SGCD: variants seen among roughly 807,000 people sequenced by gnomAD.
SGCD encodes delta-sarcoglycan.
Under a neutral mutation model 36.6 loss-of-function variants are expected in SGCD, and 18 were observed. The observed-to-expected ratio is 0.49, with a 90% confidence interval of 0.34 to 0.73. The LOEUF (loss-of-function observed/expected upper bound fraction) is 0.73. Ranked by LOEUF, SGCD falls within the 30% of genes least tolerant of loss-of-function variation. The probability of loss-of-function intolerance (pLI) is 0.01; values close to 1 mark genes in which losing one functional copy is unlikely to be tolerated. For synonymous variants in SGCD, 133 were observed against 130.6 expected, an observed-to-expected ratio of 1.02 and a Z score of -0.12; for missense variants, 387 against 346.7, an observed-to-expected ratio of 1.12 and a Z score of -0.92.
intron 3 of SGCD, among the ~76,000 whole-genome samples, chr5:156,363,060 G>A (rs917211048): frequency 6.6e-6 from 1 of 151,710 alleles, no homozygotes; most frequent in Non-Finnish European, 1.5e-5. Flanking sequence ...TGGGTGAGTA[G>A]GGTTTTCTGA....
upstream of SGCD, among the ~76,000 whole-genome samples, chr5:156,324,340 T>G (rs1767748786): frequency 6.6e-6 from 1 of 152,176 alleles, no homozygotes; most frequent in African/African-American, 2.4e-5. Flanking sequence ...GTACCTGTAA[T>G]AAATCTGGAA....
At chr5:156,680,618 C>T (rs552161952) in intron 7 of SGCD, among the ~76,000 whole-genome samples, 45 of 152,234 alleles carry the variant, frequency 3.0e-4, no homozygotes, top group African/African-American at 1.0e-3. Context: ...AATGCAGAGA[C>T]GAACAAGCTA....
intron 2 of SGCD, among the ~76,000 whole-genome samples, chr5:156,343,679 G>A (rs1580847820): frequency 6.6e-6 from 1 of 152,236 alleles, no homozygotes; most frequent in South Asian, 2.1e-4. Flanking sequence ...GGGCATCAAC[G>A]TATTACTTTA....
chr5:155,746,753 G>T, the SGCD span, among the ~76,000 whole-genome samples: 1,866 of 152,228 alleles, frequency 0.012, 20 homozygotes, highest in Non-Finnish European at 0.019. Context: ...CCCTAATGGA[G>T]GGAATGCTCA....
At chr5:156,719,380 G>T (rs157488) in intron 7 of SGCD, among the ~76,000 whole-genome samples, 137,138 of 151,284 alleles carry the variant, frequency 0.91, 62,332 homozygotes, top group East Asian at 0.99. Context: ...ATATATTATA[G>T]ATATATATAT....
intron 1 of SGCD, among the ~76,000 whole-genome samples, chr5:156,006,509 G>C (rs1385623461): frequency 6.6e-6 from 1 of 152,094 alleles, no homozygotes. Context: ...ACTGCAACAC[G>C]TTACTGAGCC....
upstream of SGCD, among the ~76,000 whole-genome samples, chr5:155,869,184 C>T (rs1346330946): frequency 2.0e-5 from 3 of 152,212 alleles, no homozygotes; most frequent in East Asian, 5.8e-4. Context: ...ATCTCCCTTT[C>T]TTGTCTTTTC....
intron 1 of SGCD, among the ~76,000 whole-genome samples, chr5:155,974,107 G>A (rs768362000): frequency 3.9e-5 from 6 of 151,940 alleles, no homozygotes; most frequent in Non-Finnish European, 5.9e-5. Context: ...TCAATCTTTC[G>A]TGATTTAAAA....
chr5:156,273,070 G>A (rs1766222008), intron 3 of SGCD, among the ~76,000 whole-genome samples: 1 of 152,176 alleles, frequency 6.6e-6, no homozygotes, highest in African/African-American at 2.4e-5. Context: ...TCCATGATCA[G>A]TTCCTGTGCA....
the SGCD span, among the ~76,000 whole-genome samples, chr5:155,858,684 T>C: frequency 6.6e-6 from 1 of 152,184 alleles, no homozygotes; most frequent in African/African-American, 2.4e-5. Flanking sequence ...ACAAACACAA[T>C]CAATGTGTGA....
chr5:156,378,984 T>C (rs1195154707), intron 3 of SGCD, among the ~76,000 whole-genome samples: 1 of 152,182 alleles, frequency 6.6e-6, no homozygotes, highest in East Asian at 1.9e-4. Context: ...ATGTCTACCA[T>C]GTGCTAAATG....
upstream of SGCD, among the ~76,000 whole-genome samples, chr5:156,325,802 C>T (rs1767792220): frequency 6.6e-6 from 1 of 152,148 alleles, no homozygotes; most frequent in South Asian, 2.1e-4. Context: ...AGATCTGATT[C>T]TGTAATTGCA....
At chr5:156,537,180 C>T (rs1470822278) in intron 4 of SGCD, among the ~76,000 whole-genome samples, 1 of 152,108 alleles carries the variant, frequency 6.6e-6, no homozygotes, top group Non-Finnish European at 1.5e-5. Context: ...TTCTTGTCTC[C>T]CAGTAGTCCC....
the SGCD span, among the ~76,000 whole-genome samples, chr5:155,815,424 C>T: frequency 6.6e-6 from 1 of 152,156 alleles, no homozygotes; most frequent in Non-Finnish European, 1.5e-5. Context: ...TTGAGCTATC[C>T]ATTATCCTAG....
chr5:156,077,147 T>C (rs1760807557), intron 1 of SGCD, among the ~76,000 whole-genome samples: 1 of 152,162 alleles, frequency 6.6e-6, no homozygotes, highest in African/African-American at 2.4e-5. Context: ...TTAAGATGTG[T>C]GGCTTAATGT....
At chr5:156,608,828 T>C (rs573995383) in intron 6 of SGCD, among the ~76,000 whole-genome samples, 1 of 152,226 alleles carries the variant, frequency 6.6e-6, no homozygotes, top group East Asian at 1.9e-4. Context: ...TGATCTTTGT[T>C]GGTTTAAAGT....
At chr5:155,883,052 TC>T (rs752317801) in intron 1 of SGCD, among the ~76,000 whole-genome samples, 1 of 152,176 alleles carries the variant, frequency 6.6e-6, no homozygotes, top group Non-Finnish European at 1.5e-5. Flanking sequence ...ATGGCTTTTT[TC>T]CCCTTAAACC....
chr5:156,492,102 G>A (rs747846100), intron 3 of SGCD, among the ~76,000 whole-genome samples: 2 of 152,162 alleles, frequency 1.3e-5, no homozygotes, highest in East Asian at 1.9e-4. Context: ...TTTCAGGAGT[G>A]TGTGATGGAT....
chr5:156,567,020 C>T (rs1268755697), intron 4 of SGCD, among the ~76,000 whole-genome samples: 1 of 152,142 alleles, frequency 6.6e-6, no homozygotes, highest in African/African-American at 2.4e-5. Flanking sequence ...ATTAAGTTGA[C>T]ATCTGTCTAT....
Sources: gnomAD v4.1 joint callset for allele counts (sites outside exome capture counted in the v4.1 genomes callset) on GRCh38, gnomAD v4.1.1 for gene constraint, MANE v1.5 for transcripts, NCBI Gene and HGNC (gene_info 2026-07-23, HGNC 2026-07-21) for gene names.